The following ASXL3 variants were observed in gnomAD, a reference collection of about 807,000 sequenced individuals.
ASXL3 encodes the protein ASXL transcriptional regulator 3, also known as putative Polycomb group protein ASXL3.
ASXL3 carries 34 observed loss-of-function variants against 170.6 expected under a neutral mutation model. The ratio of observed to expected loss-of-function variants is 0.20; its 90% CI spans 0.15 to 0.27. ASXL3 has a LOEUF of 0.27. Ranked by LOEUF, ASXL3 falls within the 10% of genes least tolerant of loss-of-function variation. ASXL3 has a pLI of 1.00. For missense variants in ASXL3, 2,592 were observed against 2,695.3 expected, an observed-to-expected ratio of 0.96 and a Z score of 0.85; for synonymous variants, 1,002 against 989.1, an observed-to-expected ratio of 1.01 and a Z score of -0.24.
At chr18:33,578,767 G>C in intron 1 of ASXL3, 82 bp downstream of exon 1, 2 of 920,932 alleles carry the variant, frequency 2.2e-6, no homozygotes, top group South Asian at 5.1e-5. Context: ...CGGCGGAGAC[G>C]GCCACTTCCA....
chr18:33,719,419 G>C (rs1005503827), intron 8 of ASXL3, among the ~76,000 whole-genome samples: 1 of 151,996 alleles, frequency 6.6e-6, no homozygotes, highest in Non-Finnish European at 1.5e-5. Context: ...TGATAAAACG[G>C]GGACCATGCC....
At chr18:33,627,759 C>T (rs1356265782) in intron 2 of ASXL3, among the ~76,000 whole-genome samples, 1 of 152,124 alleles carries the variant, frequency 6.6e-6, no homozygotes, top group Non-Finnish European at 1.5e-5. Context: ...TCTACTTTGC[C>T]TTAAACTGCT....
chr18:33,615,206 C>T (rs1318754181), intron 2 of ASXL3, among the ~76,000 whole-genome samples: 1 of 152,168 alleles, frequency 6.6e-6, no homozygotes, highest in African/African-American at 2.4e-5. Flanking sequence ...TTTTGGATAA[C>T]TTGCTGGGGC....
chr18:33,688,443 T>G (rs1019057880), intron 8 of ASXL3, among the ~76,000 whole-genome samples: 1 of 152,194 alleles, frequency 6.6e-6, no homozygotes, highest in Non-Finnish European at 1.5e-5. Flanking sequence ...TCATTATGTG[T>G]GCAGGTTTTA....
chr18:33,678,618 C>G (rs765109155), intron 7 of ASXL3, among the ~76,000 whole-genome samples: 1 of 152,160 alleles, frequency 6.6e-6, no homozygotes, highest in African/African-American at 2.4e-5. Flanking sequence ...GCTGTGGCAA[C>G]GTAGCAATTG....
chr18:33,696,387 C>T (rs950400915), intron 8 of ASXL3, among the ~76,000 whole-genome samples: 39 of 152,166 alleles, frequency 2.6e-4, no homozygotes, highest in African/African-American at 8.9e-4. Flanking sequence ...CCCCTCACCA[C>T]TTCTAATTCC....
chr18:33,729,148 G>A (rs891902178), intron 8 of ASXL3, among the ~76,000 whole-genome samples: 2 of 152,174 alleles, frequency 1.3e-5, no homozygotes, highest in Non-Finnish European at 2.9e-5. Flanking sequence ...TGTAGGACAG[G>A]TCATTTTAAA....
At chr18:33,648,798 A>G (rs1255258664) in intron 4 of ASXL3, among the ~76,000 whole-genome samples, 2 of 152,064 alleles carry the variant, frequency 1.3e-5, no homozygotes, top group African/African-American at 4.8e-5. Flanking sequence ...ACACGGTAAG[A>G]TTTTCTGTCC....
rs2067832709 is a variant in ASXL3 at position 33,748,443 on chromosome 18, G to C, written c.*1848G>C. The C allele has an allele frequency of 6.6e-6, 1 of 152,188 alleles. No individual in the cohort carries two copies. Among genetic ancestry groups the C allele is most frequent in the African/African-American group, 2.4e-5 (1 of 41,436 alleles). The allele number at this position is 152,188 out of a possible 1,614,324, so 9.4% of individuals were successfully genotyped here. On this transcript the variant is annotated 3_prime_UTR_variant, in exon 12 of 12. Coordinates refer to ENST00000269197, the MANE Select transcript of ASXL3 (RefSeq NM_030632.3). ...CTTAGAAAGAAAGAAAAGGCCTGCT[G>C]CTGTAGCCATGATTTTGGTGCTTCA...
Position 33,743,557 on chromosome 18 carries a change from C to T in ASXL3, c.3709C>T (p.Pro1237Ser). ...CATGCTTTTTAATAAAAATTCTGTC[C>T]CTGTATCTGTTTGCAGCACTGCTAT... ...VPMLFNKNSVPVSVCSTAISG... is the reference protein window; with the variant it reads ...VPMLFNKNSVSVSVCSTAISG... Residue 1237 changes from proline (P) to serine (S), a missense_variant, in exon 12 of 12, where the codon CCT becomes TCT. By Grantham distance (74) the Pro-to-Ser change is moderately conservative. This residue lies in a region of ASXL3 where 2,246 missense variants were observed against 2,219.6 expected (regional missense o/e 1.01). Transcript: ENST00000269197. The T allele has an allele frequency of 6.2e-7, 1 of 1,613,182 alleles. No homozygotes were observed. The highest frequency in any genetic ancestry group is 8.5e-7 in the Non-Finnish European group (1 of 1,179,878).
intron 2 of ASXL3, among the ~76,000 whole-genome samples, chr18:33,637,927 C>T (rs2065792977): frequency 6.6e-6 from 1 of 152,124 alleles, no homozygotes; most frequent in Admixed American, 6.6e-5. Context: ...TAGTTCAGCT[C>T]AGCCTACATT....
In ASXL3 at chr18:33,645,011, C is replaced by T; in HGVS notation, c.246+9C>T. ...GCCTCTATGCTCTCAAAGTAAGTTG[C>T]ATTGTTCTGCATATTGTTATTACTA... On this transcript the variant is annotated intron_variant, in intron 3 of 11. Transcript: ENST00000269197. The T allele has an allele frequency of 6.8e-7, 1 of 1,472,692 alleles. No homozygotes were observed. The allele number at this position is 1,472,692 out of a possible 1,614,324, so 91.2% of individuals were successfully genotyped here.
Position 33,744,422 on chromosome 18 carries a change from C to G in ASXL3, c.4574C>G (p.Pro1525Arg), listed in dbSNP as rs894452186. The G allele has an allele frequency of 6.2e-7, 1 of 1,613,706 alleles. No homozygotes were observed. Among genetic ancestry groups the G allele is most frequent in the African/African-American group, 1.3e-5 (1 of 74,930 alleles). ...ACPQVSVISR[P>R]EPVANEGIDH... The stretch of plus-strand genomic sequence containing the variant: ...CCTCAGGTGTCTGTGATTAGCAGGC[C>G]TGAGCCAGTTGCCAACGAAGGTATA... Residue 1525 changes from proline to arginine, a missense_variant, in exon 12 of 12, where the codon CCT becomes CGT. Pro to Arg is a moderately radical substitution (Grantham distance 103). Transcript: ENST00000269197.
Position 33,744,926 on chromosome 18 carries a change from C to G in ASXL3, c.5078C>G (p.Pro1693Arg). The G allele has an allele frequency of 1.9e-6, 3 of 1,614,006 alleles. No individual in the cohort carries two copies. The highest frequency in any genetic ancestry group is 2.5e-6 in the Non-Finnish European group (3 of 1,179,898). The change falls in exon 12 of 12, where the codon CCT becomes CGT. Residue 1693 changes from proline to arginine, a missense_variant. Physicochemically the swap from Pro to Arg is moderately radical, Grantham distance 103. This residue lies in a region of ASXL3 where 2,246 missense variants were observed against 2,219.6 expected (regional missense o/e 1.01). Transcript: ENST00000269197. Reference protein sequence around the residue: ...TEDFPGPELPPPAAEGASSVQ... With the variant: ...TEDFPGPELPRPAAEGASSVQ... The stretch of plus-strand genomic sequence containing the variant: ...GACTTCCCTGGCCCTGAGCTGCCTC[C>G]TCCGGCTGCAGAGGGAGCCTCTAGT...
At chr18:33,734,065 C>CATTTAGCTTTAGCATTCTTCTAAAGT (rs2067502248) in intron 9 of ASXL3, among the ~76,000 whole-genome samples, 3 of 140,962 alleles carry the variant, frequency 2.1e-5, no homozygotes, top group African/African-American at 7.8e-5. Flanking sequence ...TCTTCTAAAG[C>CATTTAGCTTTAGCATTCTTCTAAAGT]ATTTAGCTTT....
chr18:33,710,010 C>T (rs1037455280), intron 8 of ASXL3, among the ~76,000 whole-genome samples: 4 of 152,134 alleles, frequency 2.6e-5, no homozygotes, highest in African/African-American at 9.7e-5. Context: ...AATCCCAGCA[C>T]TTTGGGAGGC....
intron 4 of ASXL3, among the ~76,000 whole-genome samples, chr18:33,655,908 T>C (rs1403922848): frequency 3.9e-5 from 6 of 152,108 alleles, no homozygotes; most frequent in African/African-American, 1.4e-4. Flanking sequence ...GTAGTTCTCC[T>C]CAGGTAGAAT....
intron 8 of ASXL3, among the ~76,000 whole-genome samples, chr18:33,697,161 A>G (rs2066786098): frequency 1.3e-5 from 2 of 152,176 alleles, no homozygotes; most frequent in South Asian, 4.1e-4. Flanking sequence ...TCAGAGAACA[A>G]GACCCTTTAT....
chr18:33,727,506 T>G (rs1031409416), intron 8 of ASXL3, among the ~76,000 whole-genome samples: 3 of 152,252 alleles, frequency 2.0e-5, no homozygotes, highest in Admixed American at 2.0e-4. Flanking sequence ...GTATAAACCT[T>G]TATAAAAGTA....
Sources: gnomAD v4.1 joint callset for allele counts (sites outside exome capture counted in the v4.1 genomes callset) on GRCh38, gnomAD v4.1.1 for gene constraint, gnomAD v4.1.1 regional missense constraint, MANE v1.5 for transcripts, NCBI Gene and HGNC (gene_info 2026-07-23, HGNC 2026-07-21) for gene names.